The following LSAMP variants were observed in gnomAD, a reference collection of about 807,000 sequenced individuals.
LSAMP encodes limbic system associated membrane protein.
In LSAMP, 7 loss-of-function variants were observed where a neutral mutation model predicts 38.6. The ratio of observed to expected loss-of-function variants is 0.18; its 90% CI spans 0.10 to 0.34. The LOEUF (loss-of-function observed/expected upper bound fraction) is 0.34. Among genes scored for constraint, LSAMP ranks in the 10% least tolerant of loss-of-function variants. The pLI is 1.00. For synonymous variants in LSAMP, 154 were observed against 166.8 expected, an observed-to-expected ratio of 0.92 and a Z score of 0.59; for missense variants, 313 against 420.0, an observed-to-expected ratio of 0.75 and a Z score of 2.23.
At chr3:115,825,262 G>A (rs1259688338) in intron 6 of LSAMP, among the ~76,000 whole-genome samples, 2 of 152,124 alleles carry the variant, frequency 1.3e-5, no homozygotes, top group Non-Finnish European at 2.9e-5. Context: ...ACTAACTACC[G>A]CAGTGCAGAA....
intron 1 of LSAMP, among the ~76,000 whole-genome samples, chr3:116,231,125 C>T (rs1474164818): frequency 6.6e-6 from 1 of 152,134 alleles, no homozygotes; most frequent in Non-Finnish European, 1.5e-5. Flanking sequence ...TTTAAGCACC[C>T]CCTTCAATTT....
At chr3:115,826,758 CTCTT>C (rs1478099125) in intron 6 of LSAMP, among the ~76,000 whole-genome samples, 2 of 152,132 alleles carry the variant, frequency 1.3e-5, no homozygotes, top group Non-Finnish European at 2.9e-5. Flanking sequence ...AGAATGTAAC[CTCTT>C]TCTTGTGTTC....
At chr3:116,320,017 C>T (rs1030535668) in intron 1 of LSAMP, among the ~76,000 whole-genome samples, 4 of 152,090 alleles carry the variant, frequency 2.6e-5, no homozygotes, top group African/African-American at 4.8e-5. Flanking sequence ...ATGTGTAAGC[C>T]CCCAACTCCT....
At chr3:115,951,845 C>CAT (rs139707614) in intron 3 of LSAMP, among the ~76,000 whole-genome samples, 16,451 of 149,682 alleles carry the variant, frequency 0.11, 947 homozygotes, top group Non-Finnish European at 0.13. Context: ...TTAATAAAGT[C>CAT]ATATATATAT....
chr3:116,437,766 T>G (rs2049374731), intron 1 of LSAMP, among the ~76,000 whole-genome samples: 1 of 152,056 alleles, frequency 6.6e-6, no homozygotes, highest in African/African-American at 2.4e-5. Context: ...TTTCATCAGA[T>G]AAAATGAAAA....
intron 3 of LSAMP, among the ~76,000 whole-genome samples, chr3:115,980,960 G>A (rs985443215): frequency 5.3e-5 from 8 of 152,014 alleles, no homozygotes; most frequent in African/African-American, 1.9e-4. Flanking sequence ...GTGAATTGTC[G>A]TTTCACTGGT....
At chr3:115,991,161 A>C (rs1559911019) in intron 3 of LSAMP, among the ~76,000 whole-genome samples, 1 of 152,090 alleles carries the variant, frequency 6.6e-6, no homozygotes, top group Admixed American at 6.6e-5. Context: ...AAAGAAGATA[A>C]AAAATACAGA....
chr3:116,228,899 T>C (rs1395984562), intron 1 of LSAMP, among the ~76,000 whole-genome samples: 1 of 152,124 alleles, frequency 6.6e-6, no homozygotes, highest in Non-Finnish European at 1.5e-5. Flanking sequence ...CTCTTTCAAA[T>C]GATAACTTCA....
chr3:116,259,800 AAAC>A (rs1375061551), intron 1 of LSAMP, among the ~76,000 whole-genome samples: 1 of 152,264 alleles, frequency 6.6e-6, no homozygotes, highest in African/African-American at 2.4e-5. Context: ...ACAAACAAAA[AAAC>A]AACAAAAGAA....
rs191245368 is a variant in LSAMP, at chr3:116,393,928, G to A, written c.155+50949C>T. Among the ~76,000 whole-genome samples the A allele has an allele frequency of 8.1e-4, 123 of 152,294 alleles. 1 individual carries two copies. Among genetic ancestry groups the A allele is most frequent in the African/African-American group, 2.8e-3 (118 of 41,548 alleles). ...TTGCATGGAACGACAAGGAAGCGAG[G>A]ATTTTGCTGCATCACTTACATTGAA... is the stretch of plus-strand genomic sequence containing the variant. On this transcript the variant is annotated intron_variant, in intron 1 of 6. Transcript: ENST00000490035.
intron 2 of LSAMP, among the ~76,000 whole-genome samples, chr3:116,032,550 G>T (rs747277544): frequency 6.6e-6 from 1 of 152,164 alleles, no homozygotes; most frequent in Non-Finnish European, 1.5e-5. Flanking sequence ...GCTTATGTCT[G>T]TAATCCCAGC....
Position 116,162,990 on chromosome 3 carries a change from C to T in LSAMP, c.156-76434G>A, listed in dbSNP as rs1709935452. On this transcript the variant is annotated intron_variant, in intron 1 of 6. Coordinates refer to ENST00000490035, the MANE Select transcript of LSAMP (RefSeq NM_002338.5). ...CCCTGGACCTGTTGCTTACTGTCCT[C>T]ACTAGGAACACTAGAAAGAGCTTGG... Among the ~76,000 whole-genome samples, 6 of 152,112 alleles carry T rather than the reference C, an allele frequency of 3.9e-5. No homozygotes were observed. The South Asian group carries it at 8.3e-4, about 21-fold the overall frequency.
intron 2 of LSAMP, among the ~76,000 whole-genome samples, chr3:116,067,277 T>C (rs1324796662): frequency 6.6e-6 from 1 of 152,150 alleles, no homozygotes; most frequent in Non-Finnish European, 1.5e-5. Context: ...GACTCAAAAA[T>C]ATTACTGAAG....
chr3:116,130,987 CTTT>C (rs148232332), intron 1 of LSAMP, among the ~76,000 whole-genome samples: 42 of 112,636 alleles, frequency 3.7e-4, no homozygotes, highest in African/African-American at 1.1e-3. Context: ...AGGTTCCACA[CTTT>C]TTTTTTTTTT....
At chr3:116,158,010 A>T (rs1005280066) in intron 1 of LSAMP, among the ~76,000 whole-genome samples, 7 of 152,202 alleles carry the variant, frequency 4.6e-5, no homozygotes, top group African/African-American at 1.7e-4. Flanking sequence ...ATCCACCGTG[A>T]TCAAGTAGGC....
rs1453617838 is a variant in LSAMP at position 115,842,598 on chromosome 3, A to ACAAGT, written c.650-25_650-21dup. ...GAGGATCTGTAGGAAGGACAGGCACACAAGTTTACATGAGGGTCGGGGTGC... is the reference window on the plus strand; with the variant it reads ...GAGGATCTGTAGGAAGGACAGGCACACAAGTCAAGTTTACATGAGGGTCGGGGTGC... On this transcript the variant is annotated intron_variant, in intron 4 of 6. Coordinates refer to ENST00000490035, the MANE Select transcript of LSAMP (RefSeq NM_002338.5). 3 of 1,612,178 alleles carry ACAAGT rather than the reference A, an allele frequency of 1.9e-6. No homozygotes were observed. The highest frequency in any genetic ancestry group is 2.5e-6 in the Non-Finnish European group (3 of 1,178,920).
intron 1 of LSAMP, among the ~76,000 whole-genome samples, chr3:116,321,513 A>C (rs920677971): frequency 6.6e-6 from 1 of 152,192 alleles, no homozygotes; most frequent in Admixed American, 6.5e-5. Context: ...TTTCTCACTG[A>C]ATCCACACAA....
chr3:115,845,706 G>A (rs533742011), intron 4 of LSAMP, among the ~76,000 whole-genome samples: 35 of 152,230 alleles, frequency 2.3e-4, no homozygotes, highest in Non-Finnish European at 1.0e-4. Context: ...ACTATCTCTA[G>A]CCACCTTGAT....
At chr3:116,201,465 A>T (rs1576428108) in intron 1 of LSAMP, among the ~76,000 whole-genome samples, 1 of 152,224 alleles carries the variant, frequency 6.6e-6, no homozygotes, top group Non-Finnish European at 1.5e-5. Flanking sequence ...CCCATCAGGA[A>T]CCTCCTGTGC....
Sources: allele counts gnomAD v4.1 joint callset (sites outside exome capture counted in the v4.1 genomes callset), GRCh38; gene constraint gnomAD v4.1.1; transcripts MANE v1.5; gene names NCBI Gene and HGNC (gene_info 2026-07-23, HGNC 2026-07-21).